Variants in ME3 observed in about 807,000 individuals in gnomAD.
The protein encoded by ME3 is malic enzyme 3.
A neutral mutation model predicts 68.9 loss-of-function variants in ME3; 48 were observed. The ratio of observed to expected loss-of-function variants is 0.70; its 90% confidence interval spans 0.55 to 0.89. The LOEUF is 0.89. Among genes scored for constraint, ME3 ranks in the 40% least tolerant of loss-of-function variants. The pLI is 0.00. For synonymous variants in ME3, 320 were observed against 318.8 expected, an observed-to-expected ratio of 1.00 and a Z score of -0.04; for missense variants, 675 against 797.4, an observed-to-expected ratio of 0.85 and a Z score of 1.85.
At chr11:86,531,499 G>T (rs1351111770) in intron 4 of ME3, among the ~76,000 whole-genome samples, 2 of 152,142 alleles carry the variant, frequency 1.3e-5, no homozygotes, top group African/African-American at 4.8e-5. Context: ...CCATTACTGG[G>T]TATATACCCA....
intron 8 of ME3, among the ~76,000 whole-genome samples, chr11:86,454,795 C>T (rs1202132833): frequency 2.0e-5 from 3 of 152,174 alleles, no homozygotes; most frequent in Non-Finnish European, 4.4e-5. Context: ...ACATAGAATC[C>T]AGAAGGAACT....
chr11:86,487,249 CT>C (rs1951745839), intron 7 of ME3, 87 bp downstream of exon 7: 8 of 1,110,364 alleles, frequency 7.2e-6, no homozygotes, highest in Non-Finnish European at 9.5e-6. Flanking sequence ...ACTGCCTTTA[CT>C]TTGTATATCA....
chr11:86,504,086 T>A (rs1256526493), intron 5 of ME3, among the ~76,000 whole-genome samples: 1 of 152,188 alleles, frequency 6.6e-6, no homozygotes, highest in African/African-American at 2.4e-5. Flanking sequence ...AGCCTACTTT[T>A]CTTACATTGC....
chr11:86,569,015 T>C lies in ME3; in HGVS notation c.184-9192A>G, dbSNP rs942203122. On this transcript the variant is annotated intron_variant, in intron 2 of 14. Transcript: ENST00000543262. ...ATTAAATGAAGTGCTGCCCATTTCA[T>C]GTGTTGTGGGATTAGATGAAATAAT... 5.3e-5 allele frequency among the ~76,000 whole-genome samples: 8 copies of C among 152,352 alleles called. 1 individual carries two copies. Among genetic ancestry groups the C allele is most frequent in the Admixed American group, 2.6e-4 (4 of 15,312 alleles).
rs1209599413 is a variant in ME3, at chr11:86,629,061, G to A, written c.183+42701C>T. 6.6e-5 allele frequency among the ~76,000 whole-genome samples: 10 copies of A among 152,234 alleles called. No homozygotes were observed. In the East Asian group the frequency reaches 1.2e-3, roughly 18 times the overall value. On this transcript the variant is annotated intron_variant, in intron 2 of 14. Coordinates refer to ENST00000543262, the Ensembl canonical transcript of ME3. ...AAAGAGAGGCCTGGGAGCTACATGC[G>A]TGCCCCTTGTTCCTGCAAAACCTAA...
chr11:86,466,425 G>A (rs958504453), intron 7 of ME3, among the ~76,000 whole-genome samples: 8 of 152,224 alleles, frequency 5.3e-5, no homozygotes, highest in Non-Finnish European at 1.2e-4. Context: ...GTCAGGGCAT[G>A]TAACAGGTAG....
intron 7 of ME3, among the ~76,000 whole-genome samples, chr11:86,481,061 T>C (rs1311005016): frequency 6.6e-6 from 1 of 152,068 alleles, no homozygotes; most frequent in African/African-American, 2.4e-5. Context: ...ATTTTATTTT[T>C]AAGAGGGTCT....
intron 2 of ME3, among the ~76,000 whole-genome samples, chr11:86,576,906 T>A (rs1445904170): frequency 6.6e-6 from 1 of 152,192 alleles, no homozygotes; most frequent in Admixed American, 6.5e-5. Context: ...TCTGATTCTA[T>A]TCAAATTTGG....
At chr11:86,580,120 G>T (rs984082205) in intron 2 of ME3, among the ~76,000 whole-genome samples, 2 of 152,108 alleles carry the variant, frequency 1.3e-5, no homozygotes, top group Non-Finnish European at 2.9e-5. Context: ...TATATGTTTA[G>T]GGGCTACATG....
intron 2 of ME3, among the ~76,000 whole-genome samples, chr11:86,639,288 C>T (rs1302509327): frequency 7.0e-6 from 1 of 142,754 alleles, no homozygotes; most frequent in South Asian, 2.1e-4. Context: ...GCTGAGTCTC[C>T]CTAATGTACA....
At chr11:86,595,302 TATATAG>T (rs201068144) in intron 2 of ME3, among the ~76,000 whole-genome samples, 5,107 of 63,052 alleles carry the variant, frequency 0.081, 367 homozygotes, top group Middle Eastern at 0.16. Context: ...CATATATATA[TATATAG>T]AGAGAGAGAG....
At chr11:86,623,782 C>T (rs1943492024) in intron 2 of ME3, among the ~76,000 whole-genome samples, 1 of 152,164 alleles carries the variant, frequency 6.6e-6, no homozygotes, top group Non-Finnish European at 1.5e-5. Flanking sequence ...CGGTAGCAAG[C>T]AATAATGAAA....
At chr11:86,598,051 C>G (rs1959835576) in intron 2 of ME3, among the ~76,000 whole-genome samples, 1 of 152,130 alleles carries the variant, frequency 6.6e-6, no homozygotes, top group South Asian at 2.1e-4. Flanking sequence ...GCATTTCCAT[C>G]TGAGGTACTG....
intron 6 of ME3, among the ~76,000 whole-genome samples, chr11:86,494,130 T>A (rs1200135431): frequency 6.6e-6 from 1 of 152,122 alleles, no homozygotes; most frequent in East Asian, 1.9e-4. Flanking sequence ...ATCTTCCTAA[T>A]GTTGGTCACT....
chr11:86,502,886 A>G (rs1000268373), intron 5 of ME3, among the ~76,000 whole-genome samples: 1 of 152,128 alleles, frequency 6.6e-6, no homozygotes, highest in Non-Finnish European at 1.5e-5. Flanking sequence ...GACTGACCCA[A>G]TACTGACCTG....
intron 6 of ME3, among the ~76,000 whole-genome samples, chr11:86,491,447 C>T (rs1046358765): frequency 3.9e-5 from 6 of 152,168 alleles, no homozygotes; most frequent in African/African-American, 1.2e-4. Flanking sequence ...GGCTGGGGAA[C>T]GGGGAGAGCT....
At chr11:86,604,319 C>G (rs1961274994) in intron 2 of ME3, among the ~76,000 whole-genome samples, 1 of 151,916 alleles carries the variant, frequency 6.6e-6, no homozygotes, top group Non-Finnish European at 1.5e-5. Flanking sequence ...GGGTCATGAA[C>G]CAGTCTTTCA....
chr11:86,527,999 A>T (rs1954900314), intron 4 of ME3, among the ~76,000 whole-genome samples: 1 of 152,230 alleles, frequency 6.6e-6, no homozygotes, highest in Non-Finnish European at 1.5e-5. Context: ...AAATTCACAC[A>T]TAACAATATC....
intron 2 of ME3, among the ~76,000 whole-genome samples, chr11:86,661,368 C>A (rs1048870464): frequency 1.3e-5 from 2 of 151,898 alleles, no homozygotes; most frequent in African/African-American, 4.9e-5. Context: ...GGATGGGGCA[C>A]CCAGGCATTG....
Sources: allele counts gnomAD v4.1 joint callset (sites outside exome capture counted in the v4.1 genomes callset), GRCh38; gene constraint gnomAD v4.1.1; transcripts MANE v1.5; gene names NCBI Gene and HGNC (gene_info 2026-07-23, HGNC 2026-07-21).